The following SDK1 variants were observed in gnomAD, a reference collection of about 807,000 sequenced individuals.
SDK1 encodes the protein protein sidekick-1.
A neutral mutation model predicts 245.5 loss-of-function variants in SDK1; 157 were observed. The observed-to-expected ratio is 0.64, with a 90% CI of 0.56 to 0.73. The LOEUF is 0.73. Among genes scored for constraint, SDK1 ranks in the 30% least tolerant of loss-of-function variants. SDK1 has a pLI of 0.00. For synonymous variants in SDK1, 1,647 were observed against 1,278.5 expected (o/e 1.29, Z -6.15); for missense variants, 3,583 against 3,002.3 (o/e 1.19, Z -4.52).
rs761443436 is a variant in SDK1 at position 4,233,244 on chromosome 7, C to T, written c.5828-11C>T. The T allele has an allele frequency of 1.2e-6, 2 of 1,609,078 alleles. No homozygotes were observed. Among genetic ancestry groups the T allele is most frequent in the African/African-American group, 2.7e-5 (2 of 74,866 alleles). On this transcript the variant is annotated splice_polypyrimidine_tract_variant and intron_variant, in intron 40 of 44. Transcript: ENST00000404826. ...CTAACCTCTGCTCTCGCCTCCCCAT[C>T]CCTCTTGCAGATGAAGGCTTATGGG... is the stretch of plus-strand genomic sequence containing the variant.
chr7:3,468,414 C>A lies in SDK1; in HGVS notation c.299-150666C>A, dbSNP rs373238317. 2.8e-4 allele frequency among the ~76,000 whole-genome samples: 43 copies of A among 152,242 alleles called. No homozygotes were observed. The East Asian group carries it at 2.9e-3, about 10-fold the overall frequency. ...CCTCCTGTCTCAGTCGCATTCTCCC[C>A]CGAATCTACCCATAGAAACTAGAAT... On this transcript the variant is annotated intron_variant, in intron 1 of 44. Coordinates refer to ENST00000404826, the MANE Select transcript of SDK1 (RefSeq NM_152744.4).
chr7:3,811,822 A>G (rs530281594), intron 4 of SDK1, among the ~76,000 whole-genome samples: 6 of 152,216 alleles, frequency 3.9e-5, no homozygotes, highest in Non-Finnish European at 5.9e-5. Context: ...TTCCTGAGTT[A>G]TTAATACCTT....
chr7:4,166,228 G>A (rs1257863955), intron 32 of SDK1, among the ~76,000 whole-genome samples: 1 of 152,234 alleles, frequency 6.6e-6, no homozygotes, highest in African/African-American at 2.4e-5. Context: ...GAGGCATCCC[G>A]CCGCTTCAGA....
At chr7:3,571,269 A>G (rs999027788) in intron 1 of SDK1, among the ~76,000 whole-genome samples, 3 of 151,990 alleles carry the variant, frequency 2.0e-5, no homozygotes, top group Non-Finnish European at 2.9e-5. Context: ...TTCTTACTGT[A>G]GATTATCTTT....
Position 4,267,620 on chromosome 7 carries a change from C to T in SDK1, c.*2236C>T. On this transcript the variant is annotated 3_prime_UTR_variant, in exon 45 of 45. Coordinates refer to ENST00000404826, the MANE Select transcript of SDK1 (RefSeq NM_152744.4). ...TGTGCACTCTGATGACTGCTCTCTG[C>T]AGCCATGAGGATGTGGCTTTACATG... The T allele has an allele frequency of 1.0e-6, 1 of 985,474 alleles. No individual in the cohort carries two copies. 61.0% of individuals were successfully genotyped at this position (985,474 alleles called of 1,614,324 possible). A position where few individuals can be genotyped will look rare whatever the true frequency, so the allele number is the denominator to read the frequency against.
rs1788487716 is a variant in SDK1 at position 4,266,616 on chromosome 7, A to G, written c.*1232A>G. 10 of 985,282 alleles carry G rather than the reference A, an allele frequency of 1.0e-5. No individual in the cohort carries two copies. The highest frequency in any genetic ancestry group is 1.1e-5 in the Non-Finnish European group (9 of 829,898). 61.0% of individuals were successfully genotyped at this position (985,282 alleles called of 1,614,324 possible). On this transcript the variant is annotated 3_prime_UTR_variant, in exon 45 of 45. Transcript: ENST00000404826. ...TGTCATTGTTTGGTTTAAATTTTTC[A>G]GCTAGATGAAAAGAGTATGAACTAC...
At chr7:3,484,865 G>A (rs1017092020) in intron 1 of SDK1, among the ~76,000 whole-genome samples, 4 of 152,108 alleles carry the variant, frequency 2.6e-5, no homozygotes, top group Non-Finnish European at 2.9e-5. Context: ...GTATTCCTTT[G>A]TGGAAGCATA....
At chr7:4,090,917 G>A (rs888227618) in intron 22 of SDK1, among the ~76,000 whole-genome samples, 3 of 152,072 alleles carry the variant, frequency 2.0e-5, no homozygotes, top group African/African-American at 7.2e-5. Flanking sequence ...ATCTATCCGA[G>A]CCCTTCTCTG....
In SDK1 at chr7:4,010,959, C is replaced by T. The variant is rs1009002536; in HGVS notation, c.2132-7C>T. On this transcript the variant is annotated splice_polypyrimidine_tract_variant and splice_region_variant and intron_variant, in intron 14 of 44. Coordinates refer to ENST00000404826, the MANE Select transcript of SDK1 (RefSeq NM_152744.4). Reference sequence around the variant, plus strand: ...TGGGCTTGAATTCGTTTTCTTCATTCTTTCAGACTCTCCATGGAAGGTGCA... The same window carrying T: ...TGGGCTTGAATTCGTTTTCTTCATTTTTTCAGACTCTCCATGGAAGGTGCA... 6.2e-7 allele frequency: 1 copy of T among 1,613,978 alleles called. No homozygotes were observed. The highest frequency in any genetic ancestry group is 8.5e-7 in the Non-Finnish European group (1 of 1,179,940).
In SDK1 at chr7:4,243,606, T is replaced by C. The variant is rs113570646; in HGVS notation, c.6251+1693T>C. Among the ~76,000 whole-genome samples, 174 of 151,878 alleles carry C rather than the reference T, an allele frequency of 1.1e-3. 1 individual carries two copies. Among genetic ancestry groups the C allele is most frequent in the African/African-American group, 4.0e-3 (165 of 41,412 alleles). ...GAGTTTGTGTAGGGAAACTCCCCTT[T>C]ATAAAACCATCAGATCGTGTGAGAC... On this transcript the variant is annotated intron_variant, in intron 43 of 44. Transcript: ENST00000404826.
chr7:3,772,782 T>C (rs1780440260), intron 4 of SDK1, among the ~76,000 whole-genome samples: 1 of 152,188 alleles, frequency 6.6e-6, no homozygotes, highest in African/African-American at 2.4e-5. Flanking sequence ...TCCCTCAACT[T>C]TTGTTTATCT....
intron 40 of SDK1, among the ~76,000 whole-genome samples, chr7:4,230,119 G>A (rs1434783896): frequency 7.0e-6 from 1 of 143,542 alleles, no homozygotes; most frequent in African/African-American, 2.6e-5. Flanking sequence ...TGGATGAGTG[G>A]GTGGCTGGTG....
chr7:4,169,119 G>T (rs758346956), intron 32 of SDK1, among the ~76,000 whole-genome samples: 7 of 152,232 alleles, frequency 4.6e-5, no homozygotes, highest in Non-Finnish European at 1.0e-4. Flanking sequence ...GGTCTTGGAA[G>T]TCACTGCCAT....
At chr7:4,213,607 A>C (rs1367983864) in intron 38 of SDK1, among the ~76,000 whole-genome samples, 1 of 151,550 alleles carries the variant, frequency 6.6e-6, no homozygotes, top group African/African-American at 2.4e-5. Context: ...CCAGTACTTC[A>C]TTCCAGGCAA....
chr7:3,325,642 A>G (rs1779922258), intron 1 of SDK1, among the ~76,000 whole-genome samples: 1 of 152,178 alleles, frequency 6.6e-6, no homozygotes. Flanking sequence ...GGGTGTATCA[A>G]CAAAATGAAC....
chr7:3,947,249 AC>A (rs1016838800), intron 5 of SDK1, among the ~76,000 whole-genome samples: 1 of 151,484 alleles, frequency 6.6e-6, no homozygotes, highest in Admixed American at 6.6e-5. Context: ...AGCCACCCTC[AC>A]CCCCAATTCT....
At chr7:3,784,217 C>G (rs372307141) in intron 4 of SDK1, among the ~76,000 whole-genome samples, 40 of 151,838 alleles carry the variant, frequency 2.6e-4, no homozygotes, top group East Asian at 2.3e-3. Flanking sequence ...CATGCCTGGC[C>G]TATTCAACTG....
chr7:4,074,746 C>A (rs971369580), intron 20 of SDK1, among the ~76,000 whole-genome samples: 3 of 150,784 alleles, frequency 2.0e-5, no homozygotes, highest in Admixed American at 6.6e-5. Flanking sequence ...GCCTATAGTA[C>A]CAGCTACTTG....
chr7:4,138,544 C>T (rs543038810), intron 28 of SDK1, among the ~76,000 whole-genome samples: 2 of 152,028 alleles, frequency 1.3e-5, no homozygotes, highest in East Asian at 1.9e-4. Flanking sequence ...GTCAGGAGTT[C>T]GAGACCAGCC....
Sources: gnomAD v4.1 joint callset for allele counts (sites outside exome capture counted in the v4.1 genomes callset) on GRCh38, gnomAD v4.1.1 for gene constraint, MANE v1.5 for transcripts, NCBI Gene and HGNC (gene_info 2026-07-23, HGNC 2026-07-21) for gene names.